S100B: variants seen among roughly 807,000 people sequenced by gnomAD.
S100B encodes the protein S100 calcium binding protein B, also known as protein S100-B.
Under a neutral mutation model 7.7 loss-of-function variants are expected in S100B, and 6 were observed. The observed-to-expected ratio is 0.78, with a 90% CI of 0.43 to 1.54. The LOEUF (loss-of-function observed/expected upper bound fraction) is 1.54, where lower values mean the gene tolerates loss of function less well. Ranked by LOEUF, S100B falls within the 40% of genes most tolerant of loss-of-function variation. The pLI, the probability that S100B is intolerant of heterozygous loss-of-function variation, is 0.01. For missense variants in S100B, 99 were observed against 111.8 expected (o/e 0.89, Z 0.52); for synonymous variants, 36 against 40.4 (o/e 0.89, Z 0.41).
chr21:46,604,421 T>C (rs1296874633), intron 1 of S100B, among the ~76,000 whole-genome samples: 1 of 152,100 alleles, frequency 6.6e-6, no homozygotes, highest in African/African-American at 2.4e-5. Flanking sequence ...TGAGAAACTG[T>C]GAGACTGAGG....
intron 1 of S100B, among the ~76,000 whole-genome samples, chr21:46,603,392 A>AGGGGGTGGGGGGAGGGGGCGGG (rs796474856): frequency 2.6e-5 from 1 of 38,206 alleles, no homozygotes; most frequent in African/African-American, 1.0e-4. Context: ...GGACGGCGGG[A>AGGGGGTGGGGGGAGGGGGCGGG]GGGGGTGGGG....
chr21:46,599,395 T>C lies in S100B; in HGVS notation c.247A>G (p.Thr83Ala). 1 of 1,614,078 alleles carries C rather than the reference T, an allele frequency of 6.2e-7. No homozygotes were observed. The highest frequency in any genetic ancestry group is 2.2e-5 in the East Asian group (1 of 44,884). Residue 83 changes from threonine (T) to alanine (A), a missense_variant, in exon 3 of 3, where the codon ACT becomes GCT. Physicochemically the swap from Thr to Ala is moderately conservative, Grantham distance 58. Coordinates refer to ENST00000291700, the MANE Select transcript of S100B (RefSeq NM_006272.3). ...TGTTCAAAGAACTCGTGGCAGGCAG[T>C]AGTAACCATGGCAACAAAGGCCATG... ...EFMAFVAMVT[T>A]ACHEFFEHE is the part of the protein sequence containing the mutation.
chr21:46,601,854 C>T (rs907596463), intron 2 of S100B, among the ~76,000 whole-genome samples: 9 of 152,256 alleles, frequency 5.9e-5, no homozygotes, highest in Admixed American at 2.6e-4. Flanking sequence ...AGTGCTCAGT[C>T]AGTGTTTACT....
chr21:46,603,638 T>C (rs1337658622), intron 1 of S100B, among the ~76,000 whole-genome samples: 7 of 152,236 alleles, frequency 4.6e-5, no homozygotes. Context: ...TGCGCTGTCA[T>C]AATTAAAAAC....
At position 46,599,520 on chromosome 21, in the gene S100B, G is replaced by C; in HGVS notation, c.139-17C>G. On this transcript the variant is annotated splice_polypyrimidine_tract_variant and intron_variant, in intron 2 of 2. Transcript: ENST00000291700. Reference sequence around the variant, plus strand: ...TTTGATTTCCTAAGAGAGATAAAAGGAGTTGCCGACCTTGTTTTTAAATGG... The same window carrying C: ...TTTGATTTCCTAAGAGAGATAAAAGCAGTTGCCGACCTTGTTTTTAAATGG... 6.2e-7 allele frequency: 1 copy of C among 1,613,242 alleles called. No homozygotes were observed. The highest frequency in any genetic ancestry group is 8.5e-7 in the Non-Finnish European group (1 of 1,179,474).
chr21:46,602,462 C>G (rs2186358), intron 1 of S100B, 46 bp from the exon 2 acceptor site: 2 of 1,588,464 alleles, frequency 1.3e-6, no homozygotes, highest in South Asian at 1.1e-5. Context: ...ATACCTCATC[C>G]TAAAACATTT....
In S100B at chr21:46,599,289, G is replaced by A. The variant is rs971193453; in HGVS notation, c.*74C>T. ...CGGCTGGAAAGCTCAGCTCCTACTA[G>A]GCTGCAAGCCCTTGCTGTCTGCTTT... On this transcript the variant is annotated 3_prime_UTR_variant, in exon 3 of 3. Transcript: ENST00000291700. 2.6e-5 allele frequency: 36 copies of A among 1,375,906 alleles called. No homozygotes were observed. Among genetic ancestry groups the A allele is most frequent in the Middle Eastern group, 1.8e-4 (1 of 5,510 alleles). 85.2% of individuals were successfully genotyped at this position (1,375,906 alleles called of 1,614,324 possible).
rs369392316 is a variant in S100B at position 46,602,426 on chromosome 21, C to G, written c.-1-10G>C. On this transcript the variant is annotated splice_polypyrimidine_tract_variant and intron_variant, in intron 1 of 2. Transcript: ENST00000291700. ...CTCCAGCTCAGACATCCTAGGGGCT[C>G]GCAAAGGAAAGTTGCCTTCTCATCT... 2 of 1,609,384 alleles carry G rather than the reference C, an allele frequency of 1.2e-6. No individual in the cohort carries two copies. Among genetic ancestry groups the G allele is most frequent in the African/African-American group, 1.3e-5 (1 of 74,506 alleles).
chr21:46,599,380 A>G lies in S100B; in HGVS notation c.262T>C (p.Phe88Leu), dbSNP rs745400301. The G allele has an allele frequency of 6.2e-7, 1 of 1,613,750 alleles. No individual in the cohort carries two copies. The highest frequency in any genetic ancestry group is 2.2e-5 in the East Asian group (1 of 44,880). Residue 88 changes from phenylalanine to leucine, a missense_variant, in exon 3 of 3, where the codon TTC (phenylalanine) becomes CTC (leucine). Coordinates refer to ENST00000291700, the MANE Select transcript of S100B (RefSeq NM_006272.3). ...VAMVTTACHEFFEHE is the reference protein window; with the variant it reads ...VAMVTTACHELFEHE The stretch of plus-strand genomic sequence containing the variant: ...TTCTAATCTCACTCATGTTCAAAGA[A>G]CTCGTGGCAGGCAGTAGTAACCATG...
intron 1 of S100B, among the ~76,000 whole-genome samples, chr21:46,604,338 T>C (rs1239654784): frequency 1.3e-5 from 2 of 152,206 alleles, no homozygotes; most frequent in Admixed American, 6.5e-5. Context: ...AGAGAACTTT[T>C]GAACTTTAAC....
intron 1 of S100B, among the ~76,000 whole-genome samples, chr21:46,603,392 A>AGGGGGGGGGCGGGG (rs1555923741): frequency 5.2e-5 from 2 of 38,206 alleles, no homozygotes; most frequent in Non-Finnish European, 9.8e-5. Context: ...GGACGGCGGG[A>AGGGGGGGGGCGGGG]GGGGGTGGGG....
chr21:46,604,191 T>G (rs2061051056), intron 1 of S100B, among the ~76,000 whole-genome samples: 1 of 152,216 alleles, frequency 6.6e-6, no homozygotes, highest in South Asian at 2.1e-4. Context: ...TCAATTAAAT[T>G]CTTGTTAAAT....
chr21:46,604,814 C>T (rs1303490519), intron 1 of S100B, among the ~76,000 whole-genome samples, 199 bp downstream of exon 1: 2 of 152,226 alleles, frequency 1.3e-5, no homozygotes, highest in African/African-American at 2.4e-5. Context: ...CTGTCTAGGG[C>T]TGATGCAGTC....
chr21:46,602,692 G>A lies in S100B; in HGVS notation c.-1-276C>T, dbSNP rs941697760. The A allele has an allele frequency of 2.6e-5, 8 of 307,110 alleles. No individual in the cohort carries two copies. The Admixed American group carries it at 3.7e-4, about 14-fold the overall frequency. The allele number at this position is 307,110 out of a possible 1,614,324, so 19.0% of individuals were successfully genotyped here. A position where few individuals can be genotyped will look rare whatever the true frequency, so the allele number is the denominator to read the frequency against. ...CCCATGCCCTCTGAATTCTGGCTGG[G>A]TTGGGCCAACAGGGAAACTGGCAAA... On this transcript the variant is annotated intron_variant, in intron 1 of 2. Coordinates refer to ENST00000291700, the MANE Select transcript of S100B (RefSeq NM_006272.3).
Position 46,598,811 on chromosome 21 carries a change from G to C in S100B, c.*552C>G, listed in dbSNP as rs1218917036. Among the ~76,000 whole-genome samples, 1 of 152,196 alleles carries C rather than the reference G, an allele frequency of 6.6e-6. No individual in the cohort carries two copies. The highest frequency in any genetic ancestry group is 2.4e-5 in the African/African-American group (1 of 41,448). On this transcript the variant is annotated 3_prime_UTR_variant, in exon 3 of 3. Transcript: ENST00000291700. ...TCTGATGGAGTTGCTTTTTCCAGGA[G>C]CGCTGCCAGCGCTGAGCGTTCACCT...
At position 46,602,361 on chromosome 21, in the gene S100B, A is replaced by G. The variant is rs765742653; in HGVS notation, c.55T>C (p.Ser19Pro). The G allele has an allele frequency of 1.9e-6, 3 of 1,614,048 alleles. No individual in the cohort carries two copies. The highest frequency in any genetic ancestry group is 2.5e-6 in the Non-Finnish European group (3 of 1,179,946). Residue 19 changes from serine to proline, a missense_variant, in exon 2 of 3, where the codon TCT becomes CCT. By Grantham distance (74) the Ser-to-Pro change is moderately conservative. Coordinates refer to ENST00000291700, the MANE Select transcript of S100B (RefSeq NM_006272.3). ...TTGTGCTTGTCTCCCTCCCTTCCAGAATATTGGTGGAAAACGTCGATGAGG... is the reference window on the plus strand; with the variant it reads ...TTGTGCTTGTCTCCCTCCCTTCCAGGATATTGGTGGAAAACGTCGATGAGG... The part of the protein sequence containing the change: ...VALIDVFHQY[S>P]GREGDKHKLK...
intron 1 of S100B, among the ~76,000 whole-genome samples, chr21:46,603,398 T>TGGGGGGAGGGGGTGGGGGGAGGGGGGGGC: frequency 1.9e-5 from 1 of 52,070 alleles, no homozygotes; most frequent in Non-Finnish European, 3.8e-5. Context: ...CGGGAGGGGG[T>TGGGGGGAGGGGGTGGGGGGAGGGGGGGGC]GGGGGCAGGA....
At chr21:46,601,123 C>G (rs1336375765) in intron 2 of S100B, among the ~76,000 whole-genome samples, 1 of 152,162 alleles carries the variant, frequency 6.6e-6, no homozygotes, top group Non-Finnish European at 1.5e-5. Flanking sequence ...AGCGCCCCCT[C>G]CCCCTGCCCT....
chr21:46,602,422 GGCTC>G lies in S100B; in HGVS notation c.-1-10_-1-7del, dbSNP rs1555923615. 3.1e-6 allele frequency: 5 copies of G among 1,609,688 alleles called. No homozygotes were observed. Among genetic ancestry groups the G allele is most frequent in the Non-Finnish European group, 4.2e-6 (5 of 1,178,758 alleles). On this transcript the variant is annotated splice_polypyrimidine_tract_variant and splice_region_variant and intron_variant, in intron 1 of 2. Coordinates refer to ENST00000291700, the MANE Select transcript of S100B (RefSeq NM_006272.3). The stretch of plus-strand genomic sequence containing the variant: ...CCTTCTCCAGCTCAGACATCCTAGG[GGCTC>G]GCAAAGGAAAGTTGCCTTCTCATCT...
Sources: allele counts gnomAD v4.1 joint callset (sites outside exome capture counted in the v4.1 genomes callset), GRCh38; gene constraint gnomAD v4.1.1; transcripts MANE v1.5; gene names NCBI Gene and HGNC (gene_info 2026-07-23, HGNC 2026-07-21).